Variants in PLCXD3 observed in about 807,000 individuals in gnomAD.
The protein encoded by PLCXD3 is PI-PLC X domain-containing protein 3.
A neutral mutation model predicts 25.5 loss-of-function variants in PLCXD3; 19 were observed. That is an observed-to-expected ratio of 0.75 (90% CI 0.52 to 1.09). The LOEUF (loss-of-function observed/expected upper bound fraction) is 1.09, where lower values mean the gene tolerates loss of function less well. PLCXD3 is among the 50% of genes least tolerant of loss of function. PLCXD3 has a pLI of 0.00. For synonymous variants in PLCXD3, 174 were observed against 137.6 expected (o/e 1.26, Z -1.85); for missense variants, 411 against 388.1 (o/e 1.06, Z -0.50).
chr5:41,402,567 T>C (rs1746218268), intron 1 of PLCXD3, among the ~76,000 whole-genome samples: 1 of 151,850 alleles, frequency 6.6e-6, no homozygotes. Context: ...ATGTAAATGT[T>C]AATTAGGTTA....
At chr5:41,467,971 T>G (rs1428714887) in intron 1 of PLCXD3, among the ~76,000 whole-genome samples, 1 of 149,692 alleles carries the variant, frequency 6.7e-6, no homozygotes, top group Non-Finnish European at 1.5e-5. Flanking sequence ...CTTTATAATA[T>G]GTTTTGAAAT....
At chr5:41,483,835 A>G (rs544585863) in intron 1 of PLCXD3, among the ~76,000 whole-genome samples, 2 of 152,174 alleles carry the variant, frequency 1.3e-5, no homozygotes, top group Non-Finnish European at 2.9e-5. Context: ...TTCTTTTTCT[A>G]TTTAGATTTT....
chr5:41,315,010 A>G (rs1290578959), intron 2 of PLCXD3, among the ~76,000 whole-genome samples: 2 of 152,202 alleles, frequency 1.3e-5, no homozygotes, highest in Non-Finnish European at 2.9e-5. Flanking sequence ...AAAGGTGAGA[A>G]TGGTAGATGG....
chr5:41,338,076 T>G (rs1316433384), intron 2 of PLCXD3, among the ~76,000 whole-genome samples: 1 of 152,168 alleles, frequency 6.6e-6, no homozygotes, highest in Non-Finnish European at 1.5e-5. Flanking sequence ...TTCTCCCTCT[T>G]CCTTGTATAT....
At chr5:41,489,414 C>T (rs1168361673) in intron 1 of PLCXD3, among the ~76,000 whole-genome samples, 1 of 152,002 alleles carries the variant, frequency 6.6e-6, no homozygotes, top group Non-Finnish European at 1.5e-5. Flanking sequence ...GCGATGCGGG[C>T]TCTTTTTTGG....
intron 1 of PLCXD3, among the ~76,000 whole-genome samples, chr5:41,455,098 G>T: frequency 6.6e-6 from 1 of 151,800 alleles, no homozygotes; most frequent in Non-Finnish European, 1.5e-5. Context: ...CCTCCACCTG[G>T]TCTCTCCCTT....
At chr5:41,458,523 A>T (rs1747805259) in intron 1 of PLCXD3, among the ~76,000 whole-genome samples, 1 of 151,988 alleles carries the variant, frequency 6.6e-6, no homozygotes, top group Non-Finnish European at 1.5e-5. Context: ...AATTATTTTC[A>T]TTCAATAAAT....
chr5:41,426,586 C>T (rs1443205002), intron 1 of PLCXD3, among the ~76,000 whole-genome samples: 1 of 151,958 alleles, frequency 6.6e-6, no homozygotes, highest in Admixed American at 6.5e-5. Flanking sequence ...TCTTGAAAAA[C>T]ATAATGATAT....
At chr5:41,340,726 A>G (rs1027765117) in intron 2 of PLCXD3, among the ~76,000 whole-genome samples, 2 of 152,204 alleles carry the variant, frequency 1.3e-5, no homozygotes, top group Non-Finnish European at 2.9e-5. Context: ...TTCAAGTGAA[A>G]GAATGAATAA....
rs78910106 is a variant in PLCXD3 at position 41,417,476 on chromosome 5, G to C, written c.104-34942C>G. On this transcript the variant is annotated intron_variant, in intron 1 of 2. Transcript: ENST00000377801. ...GGCTGGGAAAAAGTATTTTCTTGCT[G>C]CTTCTTCTACCCAGCAAGGCAAGAA... is the stretch of plus-strand genomic sequence containing the variant. Among the ~76,000 whole-genome samples the C allele has an allele frequency of 1.1e-4, 17 of 152,290 alleles. No individual in the cohort carries two copies. The East Asian group carries it at 3.3e-3, about 29-fold the overall frequency.
At chr5:41,370,319 C>T (rs1023267207) in intron 2 of PLCXD3, among the ~76,000 whole-genome samples, 8 of 140,226 alleles carry the variant, frequency 5.7e-5, no homozygotes, top group African/African-American at 1.9e-4. Flanking sequence ...ATATTAGTGC[C>T]TGCAATTGAT....
Position 41,312,737 on chromosome 5 carries a change from T to TTCCTTC in PLCXD3, c.*879_*880insGAAGGA, listed in dbSNP as rs1389859291. On this transcript the variant is annotated 3_prime_UTR_variant, in exon 3 of 3. Coordinates refer to ENST00000377801, the MANE Select transcript of PLCXD3 (RefSeq NM_001005473.3). ...CCTTCCTTCCTTCCTTCCTTCCTTC[T>TTCCTTC]GTCTTTTTCTTTCATCAAGAGCATC... is the stretch of plus-strand genomic sequence containing the variant. 36 of 106,024 alleles carry TTCCTTC rather than the reference T, an allele frequency of 3.4e-4. No homozygotes were observed. Among genetic ancestry groups the TTCCTTC allele is most frequent in the Admixed American group, 9.4e-4 (9 of 9,608 alleles). 6.6% of individuals were successfully genotyped at this position (106,024 alleles called of 1,614,324 possible). A position where few individuals can be genotyped will look rare whatever the true frequency, so the allele number is the denominator to read the frequency against.
intron 1 of PLCXD3, among the ~76,000 whole-genome samples, chr5:41,407,019 C>G (rs891728995): frequency 6.6e-6 from 1 of 152,196 alleles, no homozygotes; most frequent in Non-Finnish European, 1.5e-5. Flanking sequence ...GCCTGGTCAT[C>G]TGCTGAGTCT....
chr5:41,379,557 G>A (rs1210063354), intron 2 of PLCXD3, among the ~76,000 whole-genome samples: 1 of 152,012 alleles, frequency 6.6e-6, no homozygotes, highest in African/African-American at 2.4e-5. Flanking sequence ...GTGAAAAATG[G>A]TAAAGGAGAA....
At chr5:41,466,460 G>T (rs1005507834) in intron 1 of PLCXD3, among the ~76,000 whole-genome samples, 1 of 151,966 alleles carries the variant, frequency 6.6e-6, no homozygotes, top group African/African-American at 2.4e-5. Context: ...GAGATACAAT[G>T]TGATGTTTTT....
At chr5:41,340,624 C>G (rs1354218530) in intron 2 of PLCXD3, among the ~76,000 whole-genome samples, 2 of 152,138 alleles carry the variant, frequency 1.3e-5, no homozygotes, top group South Asian at 4.1e-4. Flanking sequence ...TTTACCAACA[C>G]TGACCCCAGG....
chr5:41,336,320 T>A (rs1743978614), intron 2 of PLCXD3, among the ~76,000 whole-genome samples: 1 of 152,094 alleles, frequency 6.6e-6, no homozygotes, highest in Non-Finnish European at 1.5e-5. Context: ...TGTAAGAGAA[T>A]AATAAAAGTG....
intron 1 of PLCXD3, among the ~76,000 whole-genome samples, chr5:41,416,386 T>C (rs1746695721): frequency 6.6e-6 from 1 of 152,220 alleles, no homozygotes; most frequent in Admixed American, 6.5e-5. Context: ...TAAGTTTAAC[T>C]GACTGAAAGC....
intron 2 of PLCXD3, among the ~76,000 whole-genome samples, chr5:41,355,041 A>G (rs1744578795): frequency 1.3e-5 from 2 of 152,174 alleles, no homozygotes; most frequent in Admixed American, 1.3e-4. Flanking sequence ...TGACTAAAGA[A>G]AAATCTTCCA....
Sources: gnomAD v4.1 joint callset for allele counts (sites outside exome capture counted in the v4.1 genomes callset) on GRCh38, gnomAD v4.1.1 for gene constraint, MANE v1.5 for transcripts, NCBI Gene and HGNC (gene_info 2026-07-23, HGNC 2026-07-21) for gene names.